The following POLR3K variants were observed in gnomAD, a reference collection of about 807,000 sequenced individuals.
The protein encoded by POLR3K is DNA-directed RNA polymerase III subunit RPC10.
Under a neutral mutation model 13.5 loss-of-function variants are expected in POLR3K, and 11 were observed. The ratio of observed to expected loss-of-function variants is 0.81; its 90% CI spans 0.51 to 1.35. POLR3K has a LOEUF of 1.35. POLR3K is among the 40% of genes most tolerant of loss of function. The pLI is 0.00. For missense variants in POLR3K, 144 were observed against 145.3 expected, an observed-to-expected ratio of 0.99 and a Z score of 0.05; for synonymous variants, 56 against 51.5, an observed-to-expected ratio of 1.09 and a Z score of -0.38.
intron 1 of POLR3K, chr16:52,246 A>T (rs1043313587): frequency 6.7e-6 from 1 of 149,534 alleles, no homozygotes; most frequent in Non-Finnish European, 1.5e-5. Context: ...TGGGAGTTCG[A>T]GACCAGCCTG....
Position 46,790 on chromosome 16 carries a change from C to G in POLR3K, c.*640G>C, listed in dbSNP as rs1159326807. On this transcript the variant is annotated 3_prime_UTR_variant, in exon 3 of 3. Transcript: ENST00000293860. Reference sequence around the variant, plus strand: ...AGTATCTTATACATTTAAAGCAACCCGAGGAAGCAAATCAGGGGAGGTTCA... The same window carrying G: ...AGTATCTTATACATTTAAAGCAACCGGAGGAAGCAAATCAGGGGAGGTTCA... 6.6e-6 allele frequency: 1 copy of G among 151,198 alleles called. No homozygotes were observed. The allele number at this position is 151,198 out of a possible 1,614,324, so 9.4% of individuals were successfully genotyped here.
intron 2 of POLR3K, among the ~76,000 whole-genome samples, chr16:48,150 A>C (rs1224258404): frequency 6.6e-6 from 1 of 151,720 alleles, no homozygotes; most frequent in Non-Finnish European, 1.5e-5. Flanking sequence ...TCAACCTCCC[A>C]AAGTGCTGGG....
At chr16:53,421 G>C in intron 1 of POLR3K, 55 bp downstream of exon 1, 1 of 1,540,504 alleles carries the variant, frequency 6.5e-7, no homozygotes, top group South Asian at 1.2e-5. Flanking sequence ...GCAGTCGGAG[G>C]ACGCGGAAGG....
Position 51,181 on chromosome 16 carries a change from T to G in POLR3K, c.199+377A>C, listed in dbSNP as rs138831136. ...TAGACTCTTATTTTTATTAATCTAC[T>G]CATCATTGCCATTATCAAAGCTATC... On this transcript the variant is annotated intron_variant, in intron 2 of 2. Coordinates refer to ENST00000293860, the MANE Select transcript of POLR3K (RefSeq NM_016310.5). Among the ~76,000 whole-genome samples the G allele has an allele frequency of 8.5e-5, 13 of 152,318 alleles. No homozygotes were observed. In the East Asian group the frequency reaches 2.5e-3, roughly 29 times the overall value.
At chr16:53,194 C>G (rs1035764304) in intron 1 of POLR3K, 1 of 472,810 alleles carries the variant, frequency 2.1e-6, no homozygotes, top group African/African-American at 2.0e-5. Context: ...CTGCGCACAG[C>G]ACGGACCTGC....
chr16:48,802 C>T (rs969690921), intron 2 of POLR3K, among the ~76,000 whole-genome samples: 2 of 147,926 alleles, frequency 1.4e-5, no homozygotes, highest in African/African-American at 5.0e-5. Context: ...CAGAGTGAGA[C>T]TCCATCTCAA....
At chr16:52,296 A>T (rs1322241983) in intron 1 of POLR3K, among the ~76,000 whole-genome samples, 1 of 151,400 alleles carries the variant, frequency 6.6e-6, no homozygotes, top group Non-Finnish European at 1.5e-5. Context: ...AAAATACAAA[A>T]ATTAGCCGGG....
At chr16:51,781 G>A (rs958969115) in intron 1 of POLR3K, 136 bp from the exon 2 acceptor site, 4 of 662,372 alleles carry the variant, frequency 6.0e-6, no homozygotes, top group Non-Finnish European at 1.1e-5. Context: ...AGCACTTTGG[G>A]AGGCCAAGAC....
chr16:51,022 G>A (rs568645500), intron 2 of POLR3K, among the ~76,000 whole-genome samples: 2 of 152,270 alleles, frequency 1.3e-5, no homozygotes, highest in South Asian at 2.1e-4. Context: ...GGGGGAAACC[G>A]CTCCCATGAT....
chr16:47,056 G>A lies in POLR3K; in HGVS notation c.*374C>T, dbSNP rs1255875183. 6.5e-6 allele frequency: 1 copy of A among 152,980 alleles called. No homozygotes were observed. The highest frequency in any genetic ancestry group is 2.4e-5 in the African/African-American group (1 of 41,426). The allele number at this position is 152,980 out of a possible 1,614,324, so 9.5% of individuals were successfully genotyped here. A position where few individuals can be genotyped will look rare whatever the true frequency, so the allele number is the denominator to read the frequency against. The stretch of plus-strand genomic sequence containing the variant: ...AATAATAAATTACACAAGTTTACAA[G>A]TAACAGTTAAATATTTAGGGACATG... On this transcript the variant is annotated 3_prime_UTR_variant, in exon 3 of 3. Coordinates refer to ENST00000293860, the MANE Select transcript of POLR3K (RefSeq NM_016310.5).
At chr16:48,864 AG>A (rs1387962726) in intron 2 of POLR3K, among the ~76,000 whole-genome samples, 1 of 33,026 alleles carries the variant, frequency 3.0e-5, no homozygotes, top group East Asian at 1.2e-3. Flanking sequence ...GCTGAAAAGA[AG>A]AGAAGAGGCC....
At chr16:48,930 G>A (rs1035375255) in intron 2 of POLR3K, among the ~76,000 whole-genome samples, 2 of 151,428 alleles carry the variant, frequency 1.3e-5, no homozygotes, top group South Asian at 4.2e-4. Flanking sequence ...GAGGCAGGTG[G>A]ATCACGAGGT....
chr16:50,727 G>A lies in POLR3K; in HGVS notation c.199+831C>T, dbSNP rs529059789. ...TAATAGAGACAGGGTTTCACCATGC[G>A]GGCCAGGCTGGTCTGGAACTCCTGA... is the stretch of plus-strand genomic sequence containing the variant. On this transcript the variant is annotated intron_variant, in intron 2 of 2. Transcript: ENST00000293860. 7.2e-5 allele frequency among the ~76,000 whole-genome samples: 11 copies of A among 151,854 alleles called. No homozygotes were observed. In the East Asian group the frequency reaches 1.4e-3, roughly 19 times the overall value.
intron 1 of POLR3K, 160 bp downstream of exon 1, chr16:53,316 A>T (rs910847771): frequency 1.5e-6 from 2 of 1,332,840 alleles, no homozygotes; most frequent in African/African-American, 1.5e-5. Flanking sequence ...TTCTGAGTGT[A>T]TTGGAAAGTA....
At chr16:48,737 G>A (rs550366108) in intron 2 of POLR3K, among the ~76,000 whole-genome samples, 1 of 151,920 alleles carries the variant, frequency 6.6e-6, no homozygotes, top group East Asian at 1.9e-4. Context: ...CGTGAACCCG[G>A]GAGGCGGAGC....
chr16:48,602 G>A (rs1897303860), intron 2 of POLR3K, among the ~76,000 whole-genome samples: 1 of 152,026 alleles, frequency 6.6e-6, no homozygotes, highest in Admixed American at 6.5e-5. Flanking sequence ...ACGAGGTCAG[G>A]AGATCGAGAC....
intron 1 of POLR3K, among the ~76,000 whole-genome samples, chr16:52,540 C>T (rs1897345340): frequency 6.8e-6 from 1 of 146,868 alleles, no homozygotes; most frequent in African/African-American, 2.5e-5. Context: ...GAGGCCGAGG[C>T]GGGCAGATCA....
intron 2 of POLR3K, among the ~76,000 whole-genome samples, chr16:50,147 T>C (rs216587): frequency 0.82 from 124,857 of 151,972 alleles, 51,650 homozygotes; most frequent in African/African-American, 0.9. Flanking sequence ...TTAGCAGAAA[T>C]GGGGTTTCAC....
intron 2 of POLR3K, among the ~76,000 whole-genome samples, chr16:51,275 T>A (rs1338577383): frequency 6.6e-6 from 1 of 151,806 alleles, no homozygotes; most frequent in Non-Finnish European, 1.5e-5. Context: ...TCTACGAATA[T>A]GGATTAGCCC....
Sources: allele counts gnomAD v4.1 joint callset (sites outside exome capture counted in the v4.1 genomes callset), GRCh38; gene constraint gnomAD v4.1.1; transcripts MANE v1.5; gene names NCBI Gene and HGNC (gene_info 2026-07-23, HGNC 2026-07-21).